Variants in NBAS observed in about 807,000 individuals in gnomAD.
The protein encoded by NBAS is NBAS subunit of NRZ tethering complex.
NBAS carries 219 observed loss-of-function variants against 302.5 expected under a neutral mutation model. That is an observed-to-expected ratio of 0.72 (90% CI 0.65 to 0.81). The LOEUF (loss-of-function observed/expected upper bound fraction) is 0.81. Among genes scored for constraint, NBAS ranks in the 30% least tolerant of loss-of-function variants. The pLI is 0.00. For synonymous variants in NBAS, 1,118 were observed against 1,021.6 expected, an observed-to-expected ratio of 1.09 and a Z score of -1.80; for missense variants, 2,932 against 2,841.6, an observed-to-expected ratio of 1.03 and a Z score of -0.72.
At chr2:15,318,610 A>T (rs1260126591) in intron 38 of NBAS, among the ~76,000 whole-genome samples, 2 of 152,196 alleles carry the variant, frequency 1.3e-5, no homozygotes, top group African/African-American at 4.8e-5. Flanking sequence ...CTAGTCTCTG[A>T]TAAAATAGAC....
At chr2:15,172,278 A>G (rs928115391) in intron 51 of NBAS, among the ~76,000 whole-genome samples, 4 of 152,180 alleles carry the variant, frequency 2.6e-5, no homozygotes, top group African/African-American at 4.8e-5. Context: ...TAAATTTCCT[A>G]TCATTTTTAT....
chr2:15,318,847 G>A (rs1671647066), intron 38 of NBAS, among the ~76,000 whole-genome samples: 1 of 152,140 alleles, frequency 6.6e-6, no homozygotes, highest in African/African-American at 2.4e-5. Context: ...CAACGAGAAA[G>A]AAGGTTAACA....
the NBAS span, among the ~76,000 whole-genome samples, chr2:14,868,508 T>C: frequency 2.0e-5 from 3 of 152,330 alleles, no homozygotes; most frequent in Non-Finnish European, 4.4e-5. Flanking sequence ...ATGGTATTAC[T>C]GAAAAAGCCT....
chr2:15,007,383 G>A, the NBAS span, among the ~76,000 whole-genome samples: 1 of 152,112 alleles, frequency 6.6e-6, no homozygotes, highest in African/African-American at 2.4e-5. Context: ...CTTAATGTTT[G>A]TTTCATTTAT....
At chr2:15,520,638 CAA>C (rs553524283) in intron 9 of NBAS, among the ~76,000 whole-genome samples, 1 of 149,806 alleles carries the variant, frequency 6.7e-6, no homozygotes, top group African/African-American at 2.4e-5. Context: ...ATATGTAAAA[CAA>C]AAAAAAGTGT....
the NBAS span, among the ~76,000 whole-genome samples, chr2:14,868,066 G>A: frequency 6.6e-6 from 1 of 152,116 alleles, no homozygotes; most frequent in Non-Finnish European, 1.5e-5. Context: ...GCCAGACATT[G>A]TTGTGTATTT....
chr2:15,116,277 G>T, the NBAS span, among the ~76,000 whole-genome samples: 1 of 152,152 alleles, frequency 6.6e-6, no homozygotes, highest in East Asian at 1.9e-4. Context: ...AAATACAAAA[G>T]ACTGTGCAGT....
the NBAS span, among the ~76,000 whole-genome samples, chr2:15,142,349 A>C: frequency 6.6e-6 from 1 of 152,224 alleles, no homozygotes; most frequent in South Asian, 2.1e-4. Context: ...TGAGCTCAGC[A>C]GATGAATGTC....
chr2:15,258,659 T>C (rs1454299350), intron 44 of NBAS, among the ~76,000 whole-genome samples: 1 of 152,080 alleles, frequency 6.6e-6, no homozygotes, highest in Non-Finnish European at 1.5e-5. Flanking sequence ...AAATTTGAGG[T>C]CAGACCAGTT....
the NBAS span, among the ~76,000 whole-genome samples, chr2:14,950,378 T>C: frequency 6.6e-6 from 1 of 152,210 alleles, no homozygotes; most frequent in Non-Finnish European, 1.5e-5. Context: ...TATTCCATCA[T>C]ATTGTACATT....
At chr2:14,847,382 T>TAAAAAAAAAAAAAAAAAAAAAAAAAA in the NBAS span, among the ~76,000 whole-genome samples, 2 of 53,164 alleles carry the variant, frequency 3.8e-5, no homozygotes, top group East Asian at 7.2e-4. Flanking sequence ...GACTCTATCT[T>TAAAAAAAAAAAAAAAAAAAAAAAAAA]AAAAAAAAAA....
chr2:15,488,853 C>T, intron 12 of NBAS, 41 bp downstream of exon 12: 1 of 1,610,772 alleles, frequency 6.2e-7, no homozygotes. Flanking sequence ...TGTCAATACT[C>T]ACCCTTAAGA....
At chr2:14,811,337 G>A in the NBAS span, among the ~76,000 whole-genome samples, 7 of 152,222 alleles carry the variant, frequency 4.6e-5, no homozygotes, top group African/African-American at 1.2e-4. Context: ...TTGAGCCCAG[G>A]AGTTCAAGGC....
At chr2:15,304,704 G>T (rs1234096441) in intron 40 of NBAS, among the ~76,000 whole-genome samples, 1 of 152,212 alleles carries the variant, frequency 6.6e-6, no homozygotes. Flanking sequence ...CTATTCTTTA[G>T]CAAAGAGACT....
At chr2:15,115,320 G>T in the NBAS span, among the ~76,000 whole-genome samples, 2 of 152,168 alleles carry the variant, frequency 1.3e-5, no homozygotes, top group South Asian at 4.1e-4. Flanking sequence ...ATGTAACTAG[G>T]AAGTTAGACG....
chr2:14,885,304 A>G, the NBAS span, among the ~76,000 whole-genome samples: 1 of 152,192 alleles, frequency 6.6e-6, no homozygotes, highest in Non-Finnish European at 1.5e-5. Flanking sequence ...TAAAAGGCTG[A>G]TAGCAAATGC....
the NBAS span, among the ~76,000 whole-genome samples, chr2:14,824,213 G>C: frequency 3.3e-5 from 5 of 152,184 alleles, no homozygotes; most frequent in Non-Finnish European, 5.9e-5. Flanking sequence ...TTTGAGCCCA[G>C]ATTTGTTGAT....
Position 15,218,829 on chromosome 2 carries a change from G to A in NBAS, c.6376C>T (p.Leu2126Phe), listed in dbSNP as rs1666777066. Residue 2126 changes from leucine (L) to phenylalanine (F), a missense_variant, in exon 48 of 52, where the codon CTC becomes TTC. Physicochemically the swap from Leu to Phe is conservative, Grantham distance 22 (BLOSUM62 0). Coordinates refer to ENST00000281513, the MANE Select transcript of NBAS (RefSeq NM_015909.4). ...SFHLTEEDSK[L>F]LVFFRTEAIL... ...GCTTCAGTTCTAAAGAACACGAGGA[G>A]CTTGCTGTCCTCCTCAGTCAGGTGA... 5 of 1,614,124 alleles carry A rather than the reference G, an allele frequency of 3.1e-6. No individual in the cohort carries two copies. In the African/African-American group the frequency reaches 6.7e-5, roughly 22 times the overall value.
chr2:15,040,096 G>A, the NBAS span, among the ~76,000 whole-genome samples: 13 of 152,274 alleles, frequency 8.5e-5, no homozygotes, highest in South Asian at 2.7e-3. Context: ...CCTGCTCAAG[G>A]CCTTCAGAAG....
Sources: allele counts gnomAD v4.1 joint callset (sites outside exome capture counted in the v4.1 genomes callset), GRCh38; gene constraint gnomAD v4.1.1; transcripts MANE v1.5; gene names NCBI Gene and HGNC (gene_info 2026-07-23, HGNC 2026-07-21).